Variants in ATP13A5 observed in about 807,000 individuals in gnomAD.
ATP13A5 encodes ATPase 13A5.
Under a neutral mutation model 150.2 loss-of-function variants are expected in ATP13A5, and 149 were observed. That is an observed-to-expected ratio of 0.99 (90% CI 0.87 to 1.14). ATP13A5 has a LOEUF of 1.14. Among genes scored for constraint, ATP13A5 ranks in the 50% most tolerant of loss-of-function variants. ATP13A5 has a pLI of 0.00. For synonymous variants in ATP13A5, 497 were observed against 522.2 expected, an observed-to-expected ratio of 0.95 and a Z score of 0.66; for missense variants, 1,383 against 1,449.3, an observed-to-expected ratio of 0.95 and a Z score of 0.74.
chr3:193,376,807 C>T (rs1316965607), intron 1 of ATP13A5, among the ~76,000 whole-genome samples: 1 of 152,214 alleles, frequency 6.6e-6, no homozygotes, highest in East Asian at 1.9e-4. Flanking sequence ...TAAGTCACAG[C>T]TTCCACAGTT....
At chr3:193,322,859 A>C (rs929426630) in intron 14 of ATP13A5, among the ~76,000 whole-genome samples, 9 of 152,334 alleles carry the variant, frequency 5.9e-5, no homozygotes, top group African/African-American at 2.2e-4. Flanking sequence ...AAATGATTAC[A>C]TCTAGTAATT....
rs902521908 is a variant in ATP13A5, at chr3:193,276,667, G to A, written c.3396+83C>T. 4.3e-5 allele frequency: 41 copies of A among 954,204 alleles called. No homozygotes were observed. In the African/African-American group the frequency reaches 5.7e-4, roughly 13 times the overall value. The allele number at this position is 954,204 out of a possible 1,614,324, so 59.1% of individuals were successfully genotyped here. ...ACTGTCATTTTGGGGGATCAAAGTG[G>A]TTGCTCTAGAAAATAAGCACCTGCT... On this transcript the variant is annotated intron_variant, in intron 29 of 29. Coordinates refer to ENST00000342358, the MANE Select transcript of ATP13A5 (RefSeq NM_198505.4).
At chr3:193,371,108 T>C (rs576696326) in intron 1 of ATP13A5, among the ~76,000 whole-genome samples, 2 of 152,216 alleles carry the variant, frequency 1.3e-5, no homozygotes, top group African/African-American at 4.8e-5. Context: ...GATGATGAGA[T>C]GCCTGGCCCA....
chr3:193,284,017 A>ATTC (rs1717613824), intron 27 of ATP13A5, among the ~76,000 whole-genome samples: 1 of 148,130 alleles, frequency 6.8e-6, no homozygotes, highest in African/African-American at 2.5e-5. Context: ...GATTATTATT[A>ATTC]TTATTATTAT....
At chr3:193,335,146 G>T (rs746688806) in intron 9 of ATP13A5, 47 bp from the exon 10 acceptor site, 1 of 1,573,610 alleles carries the variant, frequency 6.4e-7, no homozygotes, top group Admixed American at 1.7e-5. Flanking sequence ...TCAGGTAGTT[G>T]GTCAGAACTG....
intron 28 of ATP13A5, among the ~76,000 whole-genome samples, chr3:193,278,072 G>A (rs1717307715): frequency 1.3e-5 from 2 of 152,160 alleles, no homozygotes; most frequent in African/African-American, 2.4e-5. Context: ...CTAGAGTGCA[G>A]GGATTACAGG....
chr3:193,346,084 C>T (rs1380487544), intron 7 of ATP13A5, among the ~76,000 whole-genome samples: 3 of 151,994 alleles, frequency 2.0e-5, no homozygotes, highest in Non-Finnish European at 4.4e-5. Context: ...AGTTATTTAG[C>T]CTGTTTAACT....
intron 21 of ATP13A5, 22 bp downstream of exon 21, chr3:193,310,616 T>C (rs1434434906): frequency 6.3e-7 from 1 of 1,583,956 alleles, no homozygotes; most frequent in Admixed American, 1.8e-5. Context: ...AGCACACTCT[T>C]CTTTCATGCC....
Position 193,322,521 on chromosome 3 carries a change from G to A in ATP13A5, c.1728C>T (p.Asn576=). The change falls in exon 15 of 30, where the codon AAC becomes AAT. Residue 576 remains asparagine, a synonymous_variant. Coordinates refer to ENST00000342358, the MANE Select transcript of ATP13A5 (RefSeq NM_198505.4). ...DSCKFGTSVS[N]IIKPGPKASK... ...TGGCTTTTGGTCCTGGTTTTATGAT[G>A]TTTGAAACTGACGTCCCAAATTTGC... 6.2e-7 allele frequency: 1 copy of A among 1,613,878 alleles called. No individual in the cohort carries two copies. The highest frequency in any genetic ancestry group is 8.5e-7 in the Non-Finnish European group (1 of 1,179,836).
At chr3:193,335,123 A>T in intron 9 of ATP13A5, 24 bp from the exon 10 acceptor site, 2 of 1,610,860 alleles carry the variant, frequency 1.2e-6, no homozygotes, top group Non-Finnish European at 1.7e-6. Flanking sequence ...TATTTTGTTG[A>T]ATCTATGTAA....
At chr3:193,288,123 G>A (rs1717793118) in intron 26 of ATP13A5, among the ~76,000 whole-genome samples, 1 of 152,174 alleles carries the variant, frequency 6.6e-6, no homozygotes. Flanking sequence ...GATGAGCACA[G>A]AAAGTGGTTT....
chr3:193,350,999 G>T, intron 7 of ATP13A5, 68 bp downstream of exon 7: 2 of 1,561,840 alleles, frequency 1.3e-6, no homozygotes, highest in Non-Finnish European at 1.7e-6. Flanking sequence ...GCTCTCAGTG[G>T]AAATACCATG....
At chr3:193,279,561 T>G in intron 27 of ATP13A5, 107 bp from the exon 28 acceptor site, 2 of 788,954 alleles carry the variant, frequency 2.5e-6, no homozygotes, top group Non-Finnish European at 4.3e-6. Flanking sequence ...CAGATATATC[T>G]TCAGATGTTT....
intron 27 of ATP13A5, among the ~76,000 whole-genome samples, chr3:193,280,136 C>T (rs557209942): frequency 6.4e-4 from 98 of 152,098 alleles, no homozygotes; most frequent in Non-Finnish European, 1.2e-3. Flanking sequence ...CTGCAACCTC[C>T]GCCTCCCTGG....
intron 17 of ATP13A5, among the ~76,000 whole-genome samples, chr3:193,318,774 T>C (rs1192481586): frequency 6.6e-6 from 1 of 152,210 alleles, no homozygotes; most frequent in African/African-American, 2.4e-5. Flanking sequence ...AGCTCTCAAG[T>C]ACCATCCTTG....
intron 22 of ATP13A5, 102 bp downstream of exon 22, chr3:193,307,225 G>A: frequency 1.3e-6 from 2 of 1,589,914 alleles, no homozygotes; most frequent in Admixed American, 3.5e-5. Context: ...TAATCAAATG[G>A]TTGCTGGTGG....
At chr3:193,318,224 C>G (rs1009974906) in intron 17 of ATP13A5, among the ~76,000 whole-genome samples, 1 of 152,002 alleles carries the variant, frequency 6.6e-6, no homozygotes, top group African/African-American at 2.4e-5. Context: ...AATGTTAAAC[C>G]AAGGATATCA....
At chr3:193,280,886 C>T (rs930448045) in intron 27 of ATP13A5, among the ~76,000 whole-genome samples, 2 of 152,090 alleles carry the variant, frequency 1.3e-5, no homozygotes, top group Non-Finnish European at 2.9e-5. Context: ...CTACTCCTCC[C>T]ACCCCCAACT....
At chr3:193,363,126 G>A in intron 3 of ATP13A5, 110 bp downstream of exon 3, 1 of 1,294,266 alleles carries the variant, frequency 7.7e-7, no homozygotes. Context: ...TTGATACATA[G>A]CTGTCATTCC....
Sources: gnomAD v4.1 joint callset for allele counts (sites outside exome capture counted in the v4.1 genomes callset) on GRCh38, gnomAD v4.1.1 for gene constraint, MANE v1.5 for transcripts, NCBI Gene and HGNC (gene_info 2026-07-23, HGNC 2026-07-21) for gene names.